Variants in OR2L13 observed in about 807,000 individuals in gnomAD.
OR2L13 encodes olfactory receptor family 2 subfamily L member 13, also known as olfactory receptor 2L13.
OR2L13 carries 14 observed loss-of-function variants against 15.3 expected under a neutral mutation model. The observed-to-expected ratio is 0.91, with a 90% CI of 0.60 to 1.43. The LOEUF is 1.43. Ranked by LOEUF, OR2L13 falls within the 40% of genes most tolerant of loss-of-function variation. OR2L13 has a pLI of 0.00. For synonymous variants in OR2L13, 152 were observed against 142.9 expected, an observed-to-expected ratio of 1.06 and a Z score of -0.45; for missense variants, 367 against 387.9, an observed-to-expected ratio of 0.95 and a Z score of 0.45.
At chr1:247,942,458 A>G in the OR2L13 span, among the ~76,000 whole-genome samples, 1 of 152,154 alleles carries the variant, frequency 6.6e-6, no homozygotes, top group African/African-American at 2.4e-5. Context: ...AGTGTACTAC[A>G]TGTTCTACTT....
chr1:247,980,532 A>C, the OR2L13 span, among the ~76,000 whole-genome samples: 1 of 152,216 alleles, frequency 6.6e-6, no homozygotes, highest in Non-Finnish European at 1.5e-5. Context: ...TAAAACCTGA[A>C]TAAACATAAT....
At chr1:247,955,635 A>G in the OR2L13 span, among the ~76,000 whole-genome samples, 6 of 143,394 alleles carry the variant, frequency 4.2e-5, no homozygotes, top group South Asian at 5.0e-4. Flanking sequence ...TTTAATGATC[A>G]CCATTCTAAC....
the OR2L13 span, among the ~76,000 whole-genome samples, chr1:248,073,821 T>C: frequency 6.6e-6 from 1 of 151,820 alleles, no homozygotes; most frequent in African/African-American, 2.4e-5. Context: ...CATTATACAC[T>C]TAAAAACCAC....
the OR2L13 span, chr1:247,975,479 T>C: frequency 1.8e-3 from 1,469 of 837,828 alleles, 3 homozygotes; most frequent in Middle Eastern, 5.7e-3. Flanking sequence ...TACTATGCAA[T>C]GTTTGCTTAT....
chr1:248,093,657 A>G (rs932680949), upstream of OR2L13, among the ~76,000 whole-genome samples: 4 of 152,180 alleles, frequency 2.6e-5, no homozygotes, highest in Non-Finnish European at 5.9e-5. Context: ...TCCTAGGACA[A>G]AGGGTGCCAA....
At chr1:247,965,932 T>C in the OR2L13 span, 1 of 1,611,088 alleles carries the variant, frequency 6.2e-7, no homozygotes, top group Non-Finnish European at 8.5e-7. Flanking sequence ...AGCTCTACTA[T>C]CATTGGTGTG....
At chr1:247,973,161 C>A in the OR2L13 span, among the ~76,000 whole-genome samples, 1 of 151,936 alleles carries the variant, frequency 6.6e-6, no homozygotes, top group Non-Finnish European at 1.5e-5. Flanking sequence ...CAAACACATA[C>A]CCAATGTCAC....
chr1:247,941,391 T>C, the OR2L13 span, among the ~76,000 whole-genome samples: 1 of 152,186 alleles, frequency 6.6e-6, no homozygotes, highest in African/African-American at 2.4e-5. Flanking sequence ...AGTTTAGATA[T>C]ATAAAGAATG....
the OR2L13 span, among the ~76,000 whole-genome samples, chr1:248,008,329 G>T: frequency 1.1e-4 from 17 of 152,114 alleles, no homozygotes; most frequent in Non-Finnish European, 2.4e-4. Flanking sequence ...ATCATTCTTT[G>T]TCTAAAAGTA....
chr1:248,100,297 T>C (rs749273962), exon 3 of OR2L13: 1 of 1,600,522 alleles, frequency 6.2e-7, no homozygotes, highest in South Asian at 1.1e-5. Context: ...TGGGATATTC[T>C]CTTTCCTGAA....
chr1:248,058,040 G>A, the OR2L13 span, among the ~76,000 whole-genome samples: 2,567 of 152,256 alleles, frequency 0.017, 48 homozygotes, highest in South Asian at 0.063. Context: ...TCCGTGTCTT[G>A]TTGCAAATCT....
chr1:248,008,539 C>T, the OR2L13 span, among the ~76,000 whole-genome samples: 2 of 151,846 alleles, frequency 1.3e-5, no homozygotes, highest in Non-Finnish European at 2.9e-5. Context: ...TAACAATTAA[C>T]TTCCTTTTGT....
the OR2L13 span, chr1:247,949,114 A>G: frequency 3.1e-5 from 50 of 1,613,074 alleles, no homozygotes; most frequent in Admixed American, 6.7e-5. Flanking sequence ...GATTTTCTGC[A>G]TGGAAACAAG....
At chr1:248,054,159 T>C in the OR2L13 span, among the ~76,000 whole-genome samples, 1 of 152,316 alleles carries the variant, frequency 6.6e-6, no homozygotes, top group African/African-American at 2.4e-5. Flanking sequence ...GGAATCCAGT[T>C]TCTATTTTCT....
chr1:247,987,555 A>G, the OR2L13 span, among the ~76,000 whole-genome samples: 1 of 152,182 alleles, frequency 6.6e-6, no homozygotes, highest in Non-Finnish European at 1.5e-5. Flanking sequence ...CAAGTAATGC[A>G]TAGACATGGT....
At chr1:248,098,306 A>T (rs1664777827) in intron 1 of OR2L13, among the ~76,000 whole-genome samples, 1 of 152,218 alleles carries the variant, frequency 6.6e-6, no homozygotes, top group African/African-American at 2.4e-5. Flanking sequence ...GTCATAAAAC[A>T]TAAATTCAGT....
chr1:248,050,425 C>T, the OR2L13 span, among the ~76,000 whole-genome samples: 3 of 152,070 alleles, frequency 2.0e-5, no homozygotes, highest in Non-Finnish European at 4.4e-5. Flanking sequence ...GAAACAGGAA[C>T]ATCATGGCTG....
At chr1:247,989,841 G>C in the OR2L13 span, among the ~76,000 whole-genome samples, 5,902 of 152,122 alleles carry the variant, frequency 0.039, 352 homozygotes, top group African/African-American at 0.13. Flanking sequence ...TTTTAAATTT[G>C]TTTTCAGTCA....
the OR2L13 span, chr1:247,990,549 T>C: frequency 1.3e-6 from 2 of 1,564,976 alleles, no homozygotes; most frequent in Non-Finnish European, 1.8e-6. Context: ...TCTCCTTCAC[T>C]GGGTGTGGGA....
Sources: allele counts gnomAD v4.1 joint callset (sites outside exome capture counted in the v4.1 genomes callset), GRCh38; gene constraint gnomAD v4.1.1; transcripts MANE v1.5; gene names NCBI Gene and HGNC (gene_info 2026-07-23, HGNC 2026-07-21).